The following RGS6 variants were observed in gnomAD, a reference collection of about 807,000 sequenced individuals.
The protein encoded by RGS6 is regulator of G-protein signaling 6.
RGS6 carries 30 observed loss-of-function variants against 78.5 expected under a neutral mutation model. That is an observed-to-expected ratio of 0.38 (90% CI 0.29 to 0.52). The LOEUF (loss-of-function observed/expected upper bound fraction) is 0.52, where lower values mean the gene tolerates loss of function less well. Among genes scored for constraint, RGS6 ranks in the 20% least tolerant of loss-of-function variants. The probability of loss-of-function intolerance (pLI) is 0.85; values close to 1 mark genes in which losing one functional copy is unlikely to be tolerated. For missense variants in RGS6, 495 were observed against 609.7 expected, an observed-to-expected ratio of 0.81 and a Z score of 1.98; for synonymous variants, 206 against 206.0, an observed-to-expected ratio of 1.00 and a Z score of 0.00.
intron 2 of RGS6, among the ~76,000 whole-genome samples, chr14:72,063,020 T>A (rs150266082): frequency 7.4e-4 from 113 of 152,154 alleles, no homozygotes; most frequent in African/African-American, 2.6e-3. Flanking sequence ...GACAGGGTTT[T>A]GGCATGTTGG....
At chr14:72,419,846 G>A (rs1217810748) in intron 3 of RGS6, among the ~76,000 whole-genome samples, 1 of 152,196 alleles carries the variant, frequency 6.6e-6, no homozygotes, top group Admixed American at 6.5e-5. Flanking sequence ...CCTGAGACTT[G>A]AAGTAGGAAT....
At chr14:72,159,694 AT>A (rs912029853) in intron 2 of RGS6, among the ~76,000 whole-genome samples, 2 of 151,660 alleles carry the variant, frequency 1.3e-5, no homozygotes, top group Non-Finnish European at 1.5e-5. Flanking sequence ...ATGGCCTGTG[AT>A]TTTTTTTTCC....
At chr14:72,365,772 A>G (rs889317552) in intron 3 of RGS6, among the ~76,000 whole-genome samples, 5 of 152,156 alleles carry the variant, frequency 3.3e-5, no homozygotes, top group African/African-American at 1.2e-4. Context: ...ATTTAAATAA[A>G]TACATTGAAT....
intron 2 of RGS6, among the ~76,000 whole-genome samples, chr14:72,335,069 G>C (rs1416426886): frequency 6.6e-6 from 1 of 152,032 alleles, no homozygotes; most frequent in African/African-American, 2.4e-5. Context: ...TAAGTCTTAG[G>C]AGGTCTTCTG....
intron 2 of RGS6, among the ~76,000 whole-genome samples, chr14:72,265,015 G>T (rs1335273018): frequency 6.6e-6 from 1 of 152,082 alleles, no homozygotes; most frequent in East Asian, 1.9e-4. Context: ...AGGATTTTCT[G>T]GTAAATCCAA....
chr14:72,596,356 C>T, the RGS6 span, among the ~76,000 whole-genome samples: 1 of 152,164 alleles, frequency 6.6e-6, no homozygotes, highest in Non-Finnish European at 1.5e-5. Flanking sequence ...TTATGTTGGA[C>T]CCACCTGTAT....
At chr14:72,463,584 T>C (rs1268292692) in intron 6 of RGS6, among the ~76,000 whole-genome samples, 6 of 152,254 alleles carry the variant, frequency 3.9e-5, no homozygotes, top group Non-Finnish European at 8.8e-5. Context: ...CATTTGGACA[T>C]TTCTTGGGAT....
chr14:72,041,213 T>G (rs1009772827), intron 2 of RGS6, among the ~76,000 whole-genome samples: 1 of 152,236 alleles, frequency 6.6e-6, no homozygotes, highest in Non-Finnish European at 1.5e-5. Flanking sequence ...CCAGTCTTAA[T>G]GGACTGGCTT....
the RGS6 span, among the ~76,000 whole-genome samples, chr14:72,573,700 G>T: frequency 6.8e-4 from 104 of 152,298 alleles, 1 homozygote; most frequent in African/African-American, 2.2e-3. Flanking sequence ...ACTGCGGCCA[G>T]AATTTCTCTA....
At chr14:72,510,121 A>G in intron 13 of RGS6, 33 bp from the exon 14 acceptor site, 1 of 1,550,638 alleles carries the variant, frequency 6.4e-7, no homozygotes, top group Non-Finnish European at 8.7e-7. Context: ...TCTGGTATTG[A>G]TCTTCTTTAA....
chr14:72,080,934 T>C (rs2094796604), intron 2 of RGS6, among the ~76,000 whole-genome samples: 1 of 152,184 alleles, frequency 6.6e-6, no homozygotes, highest in African/African-American at 2.4e-5. Flanking sequence ...TGTAGTAGTT[T>C]TTGAAATCAG....
At chr14:72,096,065 T>A (rs2095399532) in intron 2 of RGS6, among the ~76,000 whole-genome samples, 2 of 152,018 alleles carry the variant, frequency 1.3e-5, no homozygotes, top group African/African-American at 2.4e-5. Flanking sequence ...GATTAGGAGT[T>A]CAAGACCAGC....
intron 12 of RGS6, 117 bp from the exon 13 acceptor site, chr14:72,495,035 A>G (rs1162337442): frequency 1.3e-5 from 9 of 672,456 alleles, no homozygotes; most frequent in Non-Finnish European, 1.9e-5. Context: ...GAGCGGAAAT[A>G]AATTTTTTCC....
At chr14:72,543,722 G>A (rs117397154) in intron 17 of RGS6, among the ~76,000 whole-genome samples, 2,916 of 152,272 alleles carry the variant, frequency 0.019, 42 homozygotes, top group Middle Eastern at 0.044. Context: ...CATGAAGGTG[G>A]CCAGAGCTGA....
rs574034705 is a variant in RGS6 at position 72,396,831 on chromosome 14, G to T, written c.184+44637G>T. 3.1e-4 allele frequency among the ~76,000 whole-genome samples: 47 copies of T among 152,170 alleles called. No individual in the cohort carries two copies. In the East Asian group the frequency reaches 7.5e-3, roughly 24 times the overall value. ...TTTCCCCATTTCTTCTTTTTGTCAG[G>T]TTTGTCAAAGATCAGATAGTTGTAG... On this transcript the variant is annotated intron_variant, in intron 3 of 17. Transcript: ENST00000553525.
intron 2 of RGS6, among the ~76,000 whole-genome samples, chr14:72,079,337 T>C (rs1277587210): frequency 6.6e-6 from 1 of 152,208 alleles, no homozygotes; most frequent in Non-Finnish European, 1.5e-5. Flanking sequence ...TGTGTAGACT[T>C]AGCTATATTA....
At chr14:72,239,140 A>G (rs2052035036) in intron 2 of RGS6, among the ~76,000 whole-genome samples, 1 of 152,230 alleles carries the variant, frequency 6.6e-6, no homozygotes, top group African/African-American at 2.4e-5. Flanking sequence ...CTGAAGGTCA[A>G]GAGCCCCGTT....
At chr14:72,558,117 C>T (rs1222243015) in intron 17 of RGS6, among the ~76,000 whole-genome samples, 1 of 152,202 alleles carries the variant, frequency 6.6e-6, no homozygotes, top group Non-Finnish European at 1.5e-5. Flanking sequence ...AAGGCTCCTT[C>T]ATGTCCCTTT....
At chr14:72,009,614 C>G (rs1045243000) in intron 2 of RGS6, among the ~76,000 whole-genome samples, 1 of 152,190 alleles carries the variant, frequency 6.6e-6, no homozygotes, top group Non-Finnish European at 1.5e-5. Context: ...ATCCTCTTAG[C>G]CATCACTGAA....
Sources: allele counts gnomAD v4.1 joint callset (sites outside exome capture counted in the v4.1 genomes callset), GRCh38; gene constraint gnomAD v4.1.1; transcripts MANE v1.5; gene names NCBI Gene and HGNC (gene_info 2026-07-23, HGNC 2026-07-21).